ATXN7L3: variants seen among roughly 807,000 people sequenced by gnomAD.
ATXN7L3 encodes the protein ataxin 7 like 3, also known as ataxin-7-like protein 3.
Under a neutral mutation model 50.0 loss-of-function variants are expected in ATXN7L3, and 6 were observed. That is an observed-to-expected ratio of 0.12 (90% CI 0.07 to 0.24). The LOEUF (loss-of-function observed/expected upper bound fraction) is 0.24, where lower values mean the gene tolerates loss of function less well. ATXN7L3 is among the 10% of genes least tolerant of loss of function. The pLI, the probability that ATXN7L3 is intolerant of heterozygous loss-of-function variation, is 1.00. For missense variants in ATXN7L3, 322 were observed against 451.3 expected (o/e 0.71, Z 2.60); for synonymous variants, 198 against 165.8 (o/e 1.19, Z -1.49).
At chr17:44,197,084 TG>T in intron 4 of ATXN7L3, 58 bp from the exon 5 acceptor site, 1 of 1,556,218 alleles carries the variant, frequency 6.4e-7, no homozygotes, top group African/African-American at 1.4e-5. Context: ...GGGGTCAAGG[TG>T]GTCACCCCGC....
intron 1 of ATXN7L3, chr17:44,198,448 G>C: frequency 4.7e-6 from 1 of 213,468 alleles, no homozygotes; most frequent in Non-Finnish European, 9.2e-6. Context: ...AGGGGGAGGA[G>C]AAGGAACTCC....
chr17:44,198,864 C>G (rs1326747363), intron 1 of ATXN7L3: 3 of 152,608 alleles, frequency 2.0e-5, no homozygotes, highest in Non-Finnish European at 4.4e-5. Flanking sequence ...TCCAAGAGCC[C>G]CAAAGTCCAG....
At chr17:44,196,341 G>A in intron 6 of ATXN7L3, 55 bp downstream of exon 6, 1 of 1,605,206 alleles carries the variant, frequency 6.2e-7, no homozygotes, top group South Asian at 1.1e-5. Context: ...CTGCCCAAAG[G>A]GGAGGGTATC....
intron 6 of ATXN7L3, 81 bp from the exon 7 acceptor site, chr17:44,196,160 G>T: frequency 6.7e-7 from 1 of 1,498,708 alleles, no homozygotes; most frequent in South Asian, 1.1e-5. Context: ...AAAAAGATTT[G>T]ACAAAGCAGC....
At chr17:44,197,948 T>C (rs2055980683) in intron 2 of ATXN7L3, 72 bp downstream of exon 2, 2 of 1,564,872 alleles carry the variant, frequency 1.3e-6, no homozygotes, top group Non-Finnish European at 1.8e-6. Context: ...TCCTCTTTGG[T>C]GTGGATGCCA....
chr17:44,197,833 T>C, intron 2 of ATXN7L3, 103 bp from the exon 3 acceptor site: 1 of 1,567,930 alleles, frequency 6.4e-7, no homozygotes, highest in Non-Finnish European at 8.7e-7. Flanking sequence ...AATCATGCTT[T>C]CTTTGCCATT....
At chr17:44,194,701 G>A in intron 11 of ATXN7L3, 27 bp from the exon 12 acceptor site, 2 of 1,613,682 alleles carry the variant, frequency 1.2e-6, no homozygotes, top group Non-Finnish European at 1.7e-6. Context: ...CCAAAGAAGG[G>A]CTTTAGAGAT....
intron 2 of ATXN7L3, 48 bp from the exon 3 acceptor site, chr17:44,197,778 T>C: frequency 6.2e-7 from 1 of 1,611,946 alleles, no homozygotes; most frequent in Non-Finnish European, 8.5e-7. Flanking sequence ...CACAGCCCCC[T>C]GGACTCTCAC....
chr17:44,195,271 G>A (rs2055841311), intron 9 of ATXN7L3, 131 bp from the exon 10 acceptor site: 3 of 1,339,564 alleles, frequency 2.2e-6, no homozygotes, highest in Non-Finnish European at 3.2e-6. Context: ...GATGGTCCCA[G>A]GACACTATGG....
At chr17:44,197,965 G>A in intron 2 of ATXN7L3, 55 bp downstream of exon 2, 2 of 1,585,670 alleles carry the variant, frequency 1.3e-6, no homozygotes, top group East Asian at 4.5e-5. Flanking sequence ...GCCAGATACA[G>A]CGACGTAGAG....
chr17:44,199,221 CG>C, intron 1 of ATXN7L3: 1 of 151,116 alleles, frequency 6.6e-6, no homozygotes. Context: ...TCTATTGTCC[CG>C]GGGGCTGGGG....
At position 44,192,445 on chromosome 17, in the gene ATXN7L3, A is replaced by C. The variant is rs1348801588; in HGVS notation, c.*1818T>G. On this transcript the variant is annotated 3_prime_UTR_variant, in exon 13 of 13. Coordinates refer to ENST00000587097, the MANE Select transcript of ATXN7L3 (RefSeq NM_001382309.1). ...AAGAGTGTATTAGGGCCTGAGCTGC[A>C]GCTGCCTCTCAGAAGGGAGAGTGGC... The C allele has an allele frequency of 6.6e-6, 1 of 152,182 alleles. No homozygotes were observed. The highest frequency in any genetic ancestry group is 1.5e-5 in the Non-Finnish European group (1 of 68,064). The allele number at this position is 152,182 out of a possible 1,614,324, so 9.4% of individuals were successfully genotyped here. A position where few individuals can be genotyped will look rare whatever the true frequency, so the allele number is the denominator to read the frequency against.
chr17:44,195,773 C>G lies in ATXN7L3; in HGVS notation c.552+27G>C, dbSNP rs1363790249. On this transcript the variant is annotated intron_variant, in intron 8 of 12. Coordinates refer to ENST00000587097, the MANE Select transcript of ATXN7L3 (RefSeq NM_001382309.1). ...CACCTCACAACCAGGACAATGAGAG[C>G]AAGCATGAGGGGCGGCCCATACTCA... is the stretch of plus-strand genomic sequence containing the variant. 4.4e-6 allele frequency: 7 copies of G among 1,585,666 alleles called. No homozygotes were observed. In the South Asian group the frequency reaches 6.6e-5, roughly 15 times the overall value.
chr17:44,193,166 T>G lies in ATXN7L3; in HGVS notation c.*1097A>C, dbSNP rs1262357499. Reference sequence around the variant, plus strand: ...TAGCAAAGGGGGAGAGGCACAAGATTAGGATTTTCCTCAGAGCCCCAAACC... The same window carrying G: ...TAGCAAAGGGGGAGAGGCACAAGATGAGGATTTTCCTCAGAGCCCCAAACC... On this transcript the variant is annotated 3_prime_UTR_variant, in exon 13 of 13. Coordinates refer to ENST00000587097, the MANE Select transcript of ATXN7L3 (RefSeq NM_001382309.1). The G allele has an allele frequency of 2.0e-5, 3 of 151,994 alleles. No individual in the cohort carries two copies. Among genetic ancestry groups the G allele is most frequent in the Non-Finnish European group, 4.4e-5 (3 of 68,016 alleles). 9.4% of individuals were successfully genotyped at this position (151,994 alleles called of 1,614,324 possible).
In ATXN7L3 at chr17:44,192,255, C is replaced by G. The variant is rs532950980; in HGVS notation, c.*2008G>C. 1 of 152,292 alleles carries G rather than the reference C, an allele frequency of 6.6e-6. No homozygotes were observed. The highest frequency in any genetic ancestry group is 1.5e-5 in the Non-Finnish European group (1 of 68,084). 9.4% of individuals were successfully genotyped at this position (152,292 alleles called of 1,614,324 possible). On this transcript the variant is annotated 3_prime_UTR_variant, in exon 13 of 13. Coordinates refer to ENST00000587097, the MANE Select transcript of ATXN7L3 (RefSeq NM_001382309.1). The stretch of plus-strand genomic sequence containing the variant: ...AAAAGGGTTTGTTCCCTCAGGGTCC[C>G]TGCTGGACCAAGCCCATCTCTTACC...
chr17:44,196,546 C>T, intron 5 of ATXN7L3, 128 bp from the exon 6 acceptor site: 1 of 1,159,764 alleles, frequency 8.6e-7, no homozygotes, highest in South Asian at 1.3e-5. Context: ...TTGGGAGGCC[C>T]AGGCGGGCAG....
In ATXN7L3 at chr17:44,194,757, G is replaced by A; in HGVS notation, c.737+11C>T. ...GTCACAACCCCCCACCCTTCCTGTA[G>A]GGCCACTTACGCCGAGGGCCCGAGA... On this transcript the variant is annotated intron_variant, in intron 11 of 12. Transcript: ENST00000587097. 1 of 1,614,110 alleles carries A rather than the reference G, an allele frequency of 6.2e-7. No individual in the cohort carries two copies. The highest frequency in any genetic ancestry group is 8.5e-7 in the Non-Finnish European group (1 of 1,179,978).
chr17:44,196,458 A>C (rs893936541), intron 5 of ATXN7L3, 40 bp from the exon 6 acceptor site: 11 of 1,613,452 alleles, frequency 6.8e-6, no homozygotes, highest in South Asian at 1.1e-5. Context: ...GTTTCCGTTA[A>C]GTTCTCAATC....
At position 44,197,638 on chromosome 17, in the gene ATXN7L3, G is replaced by A; in HGVS notation, c.144C>T (p.Phe48=). 5 of 1,614,272 alleles carry A rather than the reference G, an allele frequency of 3.1e-6. No homozygotes were observed. Among genetic ancestry groups the A allele is most frequent in the South Asian group, 1.1e-5 (1 of 91,092 alleles). ...TATCAGGGTCCGTGTCGTCCAAGAA[G>A]AAGTAGCCACACTTGACAGCCCGGT... ...EVHRAVKCGY[F]FLDDTDPDSM... is the part of the protein sequence containing the mutation. The change falls in exon 3 of 13, where the codon TTC becomes TTT. Residue 48 remains phenylalanine, a synonymous_variant. Transcript: ENST00000587097.
Sources: gnomAD v4.1 joint callset for allele counts on GRCh38, gnomAD v4.1.1 for gene constraint, MANE v1.5 for transcripts, NCBI Gene and HGNC (gene_info 2026-07-23, HGNC 2026-07-21) for gene names.